PLXNA2: variants seen among roughly 807,000 people sequenced by gnomAD.
PLXNA2 encodes plexin-A2.
Under a neutral mutation model 193.5 loss-of-function variants are expected in PLXNA2, and 91 were observed. The ratio of observed to expected loss-of-function variants is 0.47; its 90% CI spans 0.40 to 0.56. The LOEUF (loss-of-function observed/expected upper bound fraction) is 0.56, where lower values mean the gene tolerates loss of function less well. Ranked by LOEUF, PLXNA2 falls within the 20% of genes least tolerant of loss-of-function variation. The pLI is 0.00. For missense variants in PLXNA2, 1,995 were observed against 2,503.2 expected, an observed-to-expected ratio of 0.80 and a Z score of 4.33; for synonymous variants, 997 against 1,027.3, an observed-to-expected ratio of 0.97 and a Z score of 0.56.
At chr1:208,037,231 T>G (rs765833806) in intron 26 of PLXNA2, among the ~76,000 whole-genome samples, 31 of 152,182 alleles carry the variant, frequency 2.0e-4, no homozygotes, top group Non-Finnish European at 2.9e-4. Flanking sequence ...GAATACAGCT[T>G]CTAAAGCCTC....
At chr1:208,113,430 C>A (rs1173507352) in intron 4 of PLXNA2, among the ~76,000 whole-genome samples, 2 of 152,160 alleles carry the variant, frequency 1.3e-5, no homozygotes, top group Non-Finnish European at 2.9e-5. Flanking sequence ...ATCTGCCTAA[C>A]AGGACCCCAT....
At position 208,142,442 on chromosome 1, in the gene PLXNA2, G is replaced by A. The variant is rs200374067; in HGVS notation, c.1393C>T (p.His465Tyr). The change falls in exon 4 of 32, where the codon CAT (histidine) becomes TAT (tyrosine). Residue 465 changes from histidine to tyrosine, a missense_variant. Physicochemically the swap from His to Tyr is moderately conservative, Grantham distance 83. Transcript: ENST00000367033. Reference sequence around the variant, plus strand: ...ACCATCTCGTACTGGACCCCACCATGGGGGGGACCGTCGGCCCGAATCTGT... The same window carrying A: ...ACCATCTCGTACTGGACCCCACCATAGGGGGGACCGTCGGCCCGAATCTGT... Reference protein sequence around the residue: ...LKKIRADGPPHGGVQYEMVSV... With the variant: ...LKKIRADGPPYGGVQYEMVSV... 4.7e-4 allele frequency: 755 copies of A among 1,608,188 alleles called. 10 individuals are homozygous for A. The South Asian group carries it at 7.8e-3, about 17-fold the overall frequency.
chr1:208,092,047 G>A (rs1212012936), intron 9 of PLXNA2, among the ~76,000 whole-genome samples: 19 of 152,170 alleles, frequency 1.2e-4, no homozygotes, highest in Admixed American at 1.1e-3. Flanking sequence ...GGTATGAAAA[G>A]CTTTCGACAC....
chr1:208,064,713 T>C (rs1192855608), intron 12 of PLXNA2, among the ~76,000 whole-genome samples: 2 of 152,320 alleles, frequency 1.3e-5, no homozygotes, highest in East Asian at 3.9e-4. Context: ...GCAAGGACCC[T>C]GCATCCTGCC....
At chr1:208,114,324 G>C (rs1667575285) in intron 4 of PLXNA2, among the ~76,000 whole-genome samples, 1 of 152,230 alleles carries the variant, frequency 6.6e-6, no homozygotes, top group South Asian at 2.1e-4. Context: ...AGTTATGAAG[G>C]GACCCCACGT....
chr1:208,063,243 A>T (rs958827237), intron 12 of PLXNA2, among the ~76,000 whole-genome samples: 7 of 152,246 alleles, frequency 4.6e-5, no homozygotes, highest in Non-Finnish European at 7.3e-5. Flanking sequence ...TGCAGGTAGC[A>T]TGTGGGGACC....
intron 5 of PLXNA2, among the ~76,000 whole-genome samples, chr1:208,099,988 G>A (rs1207575313): frequency 6.6e-6 from 1 of 152,000 alleles, no homozygotes; most frequent in East Asian, 1.9e-4. Context: ...AAAGAGCCTG[G>A]GTTCCAACCT....
chr1:208,091,965 G>T (rs748746010), intron 9 of PLXNA2, among the ~76,000 whole-genome samples: 6 of 151,904 alleles, frequency 3.9e-5, no homozygotes, highest in Non-Finnish European at 8.8e-5. Context: ...AGAAATATGT[G>T]TATATGCACA....
At position 208,051,075 on chromosome 1, in the gene PLXNA2, G is replaced by T; in HGVS notation, c.3189C>A (p.Gly1063=). ...GCTCCTGAATGACATCCAGGTTGAA[G>T]CCTGTGATGGTCAGGGGTGTGTGGC... is the stretch of plus-strand genomic sequence containing the variant. ...ASGHTPLTIT[G]FNLDVIQEPR... is the part of the protein sequence containing the mutation. The change falls in exon 17 of 32, where the codon GGC becomes GGA. Residue 1063 remains glycine, a synonymous_variant. Coordinates refer to ENST00000367033, the MANE Select transcript of PLXNA2 (RefSeq NM_025179.4). 4 of 1,614,096 alleles carry T rather than the reference G, an allele frequency of 2.5e-6. No homozygotes were observed. Among genetic ancestry groups the T allele is most frequent in the Non-Finnish European group, 2.5e-6 (3 of 1,179,948 alleles).
At chr1:208,158,345 C>T (rs1329386571) in intron 3 of PLXNA2, among the ~76,000 whole-genome samples, 1 of 152,190 alleles carries the variant, frequency 6.6e-6, no homozygotes. Context: ...TTTCTCTGTG[C>T]TGTCTCTACT....
At chr1:208,052,282 G>A in intron 15 of PLXNA2, 45 bp downstream of exon 15, 1 of 1,592,284 alleles carries the variant, frequency 6.3e-7, no homozygotes, top group Non-Finnish European at 8.6e-7. Context: ...AACAGCACAT[G>A]TCCCAGATGT....
chr1:208,219,104 T>C (rs917298339), intron 1 of PLXNA2, among the ~76,000 whole-genome samples: 3 of 152,216 alleles, frequency 2.0e-5, no homozygotes, highest in Admixed American at 2.0e-4. Context: ...GCCCAGTCTC[T>C]AGCCCTGACT....
At chr1:208,175,338 G>C (rs895118535) in intron 3 of PLXNA2, among the ~76,000 whole-genome samples, 1 of 152,144 alleles carries the variant, frequency 6.6e-6, no homozygotes, top group African/African-American at 2.4e-5. Flanking sequence ...AGTGAACTGT[G>C]GACTCCAGTA....
chr1:208,122,213 G>T (rs927451267), intron 4 of PLXNA2, among the ~76,000 whole-genome samples: 1 of 152,168 alleles, frequency 6.6e-6, no homozygotes, highest in Admixed American at 6.5e-5. Flanking sequence ...CAGACCAACA[G>T]ATGAGATCCT....
At chr1:208,093,659 G>T (rs1666783072) in intron 8 of PLXNA2, among the ~76,000 whole-genome samples, 1 of 152,182 alleles carries the variant, frequency 6.6e-6, no homozygotes. Context: ...GCTTGGGGGA[G>T]CTAATAGTAT....
intron 8 of PLXNA2, among the ~76,000 whole-genome samples, 167 bp downstream of exon 8, chr1:208,095,862 A>G (rs1571910102): frequency 6.6e-6 from 1 of 152,188 alleles, no homozygotes; most frequent in African/African-American, 2.4e-5. Context: ...TTAATATGGT[A>G]GTATTTATGT....
At position 208,142,313 on chromosome 1, in the gene PLXNA2, G is replaced by T; in HGVS notation, c.1506+16C>A. 2 of 1,571,116 alleles carry T rather than the reference G, an allele frequency of 1.3e-6. No homozygotes were observed. The highest frequency in any genetic ancestry group is 1.7e-6 in the Non-Finnish European group (2 of 1,159,956). ...TTCTTGGAGTTTGGAAAGCAGAGAT[G>T]GATGTTAGCACTTACCTGTCTCTCA... is the stretch of plus-strand genomic sequence containing the variant. On this transcript the variant is annotated intron_variant, in intron 4 of 31. Coordinates refer to ENST00000367033, the MANE Select transcript of PLXNA2 (RefSeq NM_025179.4).
At chr1:208,114,412 C>T (rs1667577536) in intron 4 of PLXNA2, among the ~76,000 whole-genome samples, 1 of 152,188 alleles carries the variant, frequency 6.6e-6, no homozygotes, top group Middle Eastern at 3.2e-3. Flanking sequence ...TTGGCAAAGC[C>T]TGACTGCCCA....
At chr1:208,053,175 G>A (rs1007837085) in intron 14 of PLXNA2, among the ~76,000 whole-genome samples, 1 of 152,244 alleles carries the variant, frequency 6.6e-6, no homozygotes, top group African/African-American at 2.4e-5. Context: ...GGAGTGAATT[G>A]GAAAATGCAT....
Sources: gnomAD v4.1 joint callset for allele counts (sites outside exome capture counted in the v4.1 genomes callset) on GRCh38, gnomAD v4.1.1 for gene constraint, MANE v1.5 for transcripts, NCBI Gene and HGNC (gene_info 2026-07-23, HGNC 2026-07-21) for gene names.